Variants in ATL3 observed in about 807,000 individuals in gnomAD.
The protein encoded by ATL3 is atlastin-3.
ATL3 carries 49 observed loss-of-function variants against 69.5 expected under a neutral mutation model. The ratio of observed to expected loss-of-function variants is 0.71; its 90% CI spans 0.56 to 0.89. The LOEUF (loss-of-function observed/expected upper bound fraction) is 0.89, where lower values mean the gene tolerates loss of function less well. ATL3 is among the 40% of genes least tolerant of loss of function. ATL3 has a pLI of 0.00. For synonymous variants in ATL3, 214 were observed against 224.1 expected (o/e 0.95, Z 0.40); for missense variants, 606 against 645.7 (o/e 0.94, Z 0.67).
At chr11:63,649,638 T>TCTCAGGC (rs1318041301) in intron 5 of ATL3, among the ~76,000 whole-genome samples, 1 of 151,970 alleles carries the variant, frequency 6.6e-6, no homozygotes, top group East Asian at 1.9e-4. Flanking sequence ...TTCAAGTGAT[T>TCTCAGGC]CTCAGGCCTC....
chr11:63,651,041 T>C (rs781406216), intron 5 of ATL3, among the ~76,000 whole-genome samples: 1 of 152,204 alleles, frequency 6.6e-6, no homozygotes. Flanking sequence ...ATTCTGATGC[T>C]TTCTTGAATG....
chr11:63,645,903 G>A (rs1482066692), intron 6 of ATL3, among the ~76,000 whole-genome samples: 1 of 152,002 alleles, frequency 6.6e-6, no homozygotes, highest in African/African-American at 2.4e-5. Context: ...GAGTAGCTAA[G>A]ATTACAGGCA....
chr11:63,635,576 A>C lies in ATL3; in HGVS notation c.993T>G (p.Ile331Met), dbSNP rs952313313. The change falls in exon 10 of 13, where the codon ATT (isoleucine) becomes ATG (methionine). Residue 331 changes from isoleucine to methionine, a missense_variant. Transcript: ENST00000398868. Reference sequence around the variant, plus strand: ...GGTGAGGCAGATCTTCTCCTTGATAAATTTTAATATATGCCTTAAAATATA... The same window carrying C: ...GGTGAGGCAGATCTTCTCCTTGATACATTTTAATATATGCCTTAAAATATA... ...LLEYFKAYIKIYQGEDLPHPK... is the reference protein window; with the variant it reads ...LLEYFKAYIKMYQGEDLPHPK... 6.2e-7 allele frequency: 1 copy of C among 1,608,346 alleles called. No individual in the cohort carries two copies. Among genetic ancestry groups the C allele is most frequent in the Non-Finnish European group, 8.5e-7 (1 of 1,175,168 alleles).
In ATL3 at chr11:63,626,647, T is replaced by A. The variant is rs911099057; in HGVS notation, c.*2672A>T. 6.6e-6 allele frequency: 1 copy of A among 152,192 alleles called. No homozygotes were observed. The highest frequency in any genetic ancestry group is 6.5e-5 in the Admixed American group (1 of 15,278). The allele number at this position is 152,192 out of a possible 1,614,324, so 9.4% of individuals were successfully genotyped here. ...AATGAGTTCCATATATTGTTAGGAT[T>A]GTGTAAAATTAAAAATGCCTGCATG... On this transcript the variant is annotated 3_prime_UTR_variant, in exon 13 of 13. Transcript: ENST00000398868.
intron 3 of ATL3, among the ~76,000 whole-genome samples, chr11:63,655,375 T>C (rs960484359): frequency 6.6e-6 from 1 of 151,642 alleles, no homozygotes; most frequent in Non-Finnish European, 1.5e-5. Context: ...GGTCTCGAAC[T>C]CCTGACCTCA....
At chr11:63,642,011 A>G (rs1408520692) in intron 8 of ATL3, among the ~76,000 whole-genome samples, 1 of 152,198 alleles carries the variant, frequency 6.6e-6, no homozygotes, top group Non-Finnish European at 1.5e-5. Context: ...AACAAATCTG[A>G]GTTCAGGTTG....
chr11:63,661,552 T>G (rs1940419418), intron 1 of ATL3, among the ~76,000 whole-genome samples: 1 of 151,922 alleles, frequency 6.6e-6, no homozygotes, highest in Non-Finnish European at 1.5e-5. Context: ...AAGACCAACT[T>G]GGCCAATATA....
chr11:63,632,580 T>G (rs1459798196), intron 11 of ATL3: 1 of 846,120 alleles, frequency 1.2e-6, no homozygotes, highest in African/African-American at 1.7e-5. Flanking sequence ...GTGATAAATC[T>G]ACAGAATTCT....
intron 1 of ATL3, among the ~76,000 whole-genome samples, chr11:63,670,047 A>G (rs999988300): frequency 6.6e-6 from 1 of 152,154 alleles, no homozygotes; most frequent in African/African-American, 2.4e-5. Flanking sequence ...CGGAGGTTGC[A>G]ATCAGCCGAG....
At chr11:63,670,327 C>T (rs1337144743) in intron 1 of ATL3, 1 of 152,160 alleles carries the variant, frequency 6.6e-6, no homozygotes, top group African/African-American at 2.4e-5. Context: ...TCTTAAATCT[C>T]CAAAAGTAAG....
At chr11:63,633,895 C>T (rs1180308973) in intron 10 of ATL3, among the ~76,000 whole-genome samples, 2 of 151,348 alleles carry the variant, frequency 1.3e-5, no homozygotes, top group East Asian at 2.0e-4. Context: ...ATTAGCCAGG[C>T]GTGGTGATGT....
chr11:63,625,860 T>G lies in ATL3; in HGVS notation c.*3459A>C, dbSNP rs1939092159. 1 of 152,126 alleles carries G rather than the reference T, an allele frequency of 6.6e-6. No homozygotes were observed. The highest frequency in any genetic ancestry group is 1.5e-5 in the Non-Finnish European group (1 of 68,108). The allele number at this position is 152,126 out of a possible 1,614,324, so 9.4% of individuals were successfully genotyped here. A position where few individuals can be genotyped will look rare whatever the true frequency, so the allele number is the denominator to read the frequency against. On this transcript the variant is annotated 3_prime_UTR_variant, in exon 13 of 13. Coordinates refer to ENST00000398868, the MANE Select transcript of ATL3 (RefSeq NM_015459.5). The stretch of plus-strand genomic sequence containing the variant: ...AGCCGGGTGTGGTGGCACATGCCTG[T>G]AATCCCTGCTACTTGGGAGGCTGAG...
chr11:63,658,637 T>C, intron 3 of ATL3, 124 bp downstream of exon 3: 1 of 1,143,674 alleles, frequency 8.7e-7, no homozygotes, highest in East Asian at 2.7e-5. Context: ...ACTTTTTAAC[T>C]TTTCTTACTT....
rs1261170623 is a variant in ATL3, at chr11:63,625,575, C to A, written c.*3744G>T. On this transcript the variant is annotated 3_prime_UTR_variant, in exon 13 of 13. Coordinates refer to ENST00000398868, the MANE Select transcript of ATL3 (RefSeq NM_015459.5). ...ATCCAAACTCACCCTATCCAAGGCA[C>A]CATTTTACAAGCCAAGTAGAACACT... The A allele has an allele frequency of 6.6e-6, 1 of 152,208 alleles. No individual in the cohort carries two copies. Among genetic ancestry groups the A allele is most frequent in the Non-Finnish European group, 1.5e-5 (1 of 68,058 alleles). 9.4% of individuals were successfully genotyped at this position (152,208 alleles called of 1,614,324 possible).
At chr11:63,666,562 G>C (rs1373045016) in intron 1 of ATL3, among the ~76,000 whole-genome samples, 2 of 151,922 alleles carry the variant, frequency 1.3e-5, no homozygotes, top group African/African-American at 4.8e-5. Context: ...AATGGGTCAA[G>C]TGCTAACTGG....
chr11:63,634,444 T>C (rs1353386359), intron 10 of ATL3, among the ~76,000 whole-genome samples: 2 of 151,812 alleles, frequency 1.3e-5, no homozygotes, highest in Non-Finnish European at 2.9e-5. Flanking sequence ...GAGGTGGAGC[T>C]TGCAGTGAGC....
In ATL3 at chr11:63,633,107, G is replaced by A. The variant is rs758013424; in HGVS notation, c.1036-10C>T. On this transcript the variant is annotated splice_polypyrimidine_tract_variant and intron_variant, in intron 10 of 12. Transcript: ENST00000398868. ...TGGCTTCAGCAGTGGCCTTTTAAGA[G>A]AGAAAAACGTGAACTGTAAATCCTT... The A allele has an allele frequency of 1.2e-5, 19 of 1,612,252 alleles. No homozygotes were observed. The highest frequency in any genetic ancestry group is 1.5e-5 in the Non-Finnish European group (18 of 1,178,336).
At chr11:63,638,629 C>T (rs1243961706) in intron 8 of ATL3, among the ~76,000 whole-genome samples, 1 of 151,708 alleles carries the variant, frequency 6.6e-6, no homozygotes, top group African/African-American at 2.4e-5. Context: ...CGCTTGAGCC[C>T]GGGAGGCGGA....
intron 5 of ATL3, among the ~76,000 whole-genome samples, chr11:63,646,979 C>A (rs61928167): frequency 0.12 from 17,857 of 152,118 alleles, 1,172 homozygotes; most frequent in Middle Eastern, 0.17. Flanking sequence ...CACTGGCCCT[C>A]CTTCCTGTTC....
Sources: gnomAD v4.1 joint callset for allele counts (sites outside exome capture counted in the v4.1 genomes callset) on GRCh38, gnomAD v4.1.1 for gene constraint, MANE v1.5 for transcripts, NCBI Gene and HGNC (gene_info 2026-07-23, HGNC 2026-07-21) for gene names.